NALCN: variants seen among roughly 807,000 people sequenced by gnomAD.
The protein encoded by NALCN is sodium leak channel, non-selective.
A neutral mutation model predicts 225.3 loss-of-function variants in NALCN; 111 were observed. That is an observed-to-expected ratio of 0.49 (90% CI 0.42 to 0.58). The LOEUF (loss-of-function observed/expected upper bound fraction) is 0.58. Ranked by LOEUF, NALCN falls within the 20% of genes least tolerant of loss-of-function variation. NALCN has a pLI of 0.00. For missense variants in NALCN, 1,378 were observed against 2,202.4 expected, an observed-to-expected ratio of 0.63 and a Z score of 7.49; for synonymous variants, 764 against 769.0, an observed-to-expected ratio of 0.99 and a Z score of 0.11.
At chr13:101,278,068 C>A (rs888201319) in intron 10 of NALCN, among the ~76,000 whole-genome samples, 1 of 152,202 alleles carries the variant, frequency 6.6e-6, no homozygotes. Context: ...ACAAAATCAA[C>A]AGTTCCCAGT....
At chr13:101,162,433 G>A (rs1000397413) in intron 15 of NALCN, among the ~76,000 whole-genome samples, 6 of 152,044 alleles carry the variant, frequency 3.9e-5, no homozygotes, top group Admixed American at 2.6e-4. Context: ...AGATCCAAAC[G>A]GACTGTGTGA....
intron 13 of NALCN, among the ~76,000 whole-genome samples, chr13:101,218,919 G>A (rs9582467): frequency 0.63 from 95,540 of 151,940 alleles, 31,038 homozygotes; most frequent in African/African-American, 0.8. Context: ...CAATGTGAGA[G>A]CAGGCTAATA....
rs146893553 is a variant in NALCN, at chr13:101,160,176, G to C, written c.1840-15280C>G. Among the ~76,000 whole-genome samples, 712 of 152,170 alleles carry C rather than the reference G, an allele frequency of 4.7e-3. 3 individuals are homozygous for C. Among genetic ancestry groups the C allele is most frequent in the African/African-American group, 0.016 (658 of 41,500 alleles). Reference sequence around the variant, plus strand: ...TCACCATGTTAGCCAGGATGGTCTCGATCTCCTGACCTTGTGATCTGCCCG... The same window carrying C: ...TCACCATGTTAGCCAGGATGGTCTCCATCTCCTGACCTTGTGATCTGCCCG... On this transcript the variant is annotated intron_variant, in intron 15 of 43. Coordinates refer to ENST00000251127, the MANE Select transcript of NALCN (RefSeq NM_052867.4).
At chr13:101,330,270 G>A (rs2045116556) in intron 7 of NALCN, among the ~76,000 whole-genome samples, 1 of 152,042 alleles carries the variant, frequency 6.6e-6, no homozygotes, top group Non-Finnish European at 1.5e-5. Context: ...GAGAGTTTGG[G>A]AGAATATAAA....
chr13:101,291,901 T>C (rs941589386), intron 9 of NALCN, 89 bp downstream of exon 9: 31 of 1,300,432 alleles, frequency 2.4e-5, no homozygotes, highest in Admixed American at 9.3e-5. Flanking sequence ...AAGCCCATCA[T>C]GCAAGAGCTT....
Position 101,160,021 on chromosome 13 carries a change from C to G in NALCN, c.1840-15125G>C, listed in dbSNP as rs570026335. Among the ~76,000 whole-genome samples the G allele has an allele frequency of 1.3e-3, 195 of 152,220 alleles. 1 individual carries two copies. The highest frequency in any genetic ancestry group is 4.5e-3 in the African/African-American group (187 of 41,536). On this transcript the variant is annotated intron_variant, in intron 15 of 43. Coordinates refer to ENST00000251127, the MANE Select transcript of NALCN (RefSeq NM_052867.4). ...CCAGGCTGAAGTGCAGCGGTGCGATCTCGGCTCACTGCAACCTCTGCCTCC... is the reference window on the plus strand; with the variant it reads ...CCAGGCTGAAGTGCAGCGGTGCGATGTCGGCTCACTGCAACCTCTGCCTCC...
intron 28 of NALCN, among the ~76,000 whole-genome samples, chr13:101,095,244 G>A (rs779894256): frequency 3.3e-5 from 5 of 152,104 alleles, no homozygotes; most frequent in Non-Finnish European, 5.9e-5. Context: ...CTCAGGATAA[G>A]TTTAGTTTTA....
intron 7 of NALCN, among the ~76,000 whole-genome samples, chr13:101,334,355 G>C (rs1174413112): frequency 1.2e-5 from 1 of 85,680 alleles, no homozygotes; most frequent in Non-Finnish European, 2.2e-5. Flanking sequence ...AGTCACAGGA[G>C]ATGGGGGTAG....
chr13:101,183,687 C>T (rs187730322), intron 14 of NALCN, among the ~76,000 whole-genome samples: 41 of 152,128 alleles, frequency 2.7e-4, no homozygotes, highest in African/African-American at 9.9e-4. Context: ...CTGGAATTCC[C>T]GACCTCAGGT....
intron 13 of NALCN, among the ~76,000 whole-genome samples, chr13:101,217,463 T>C (rs2054406339): frequency 6.6e-6 from 1 of 152,156 alleles, no homozygotes; most frequent in Non-Finnish European, 1.5e-5. Flanking sequence ...GATGACAAAG[T>C]TGTTTTATTA....
intron 18 of NALCN, among the ~76,000 whole-genome samples, chr13:101,118,513 C>T (rs1232879814): frequency 6.6e-6 from 1 of 152,070 alleles, no homozygotes; most frequent in Non-Finnish European, 1.5e-5. Flanking sequence ...CATATATCTA[C>T]ACATCTTGTC....
chr13:101,095,981 C>T lies in NALCN; in HGVS notation c.3163-301G>A, dbSNP rs1016261292. Among the ~76,000 whole-genome samples, 10 of 152,202 alleles carry T rather than the reference C, an allele frequency of 6.6e-5. 1 individual carries two copies. The highest frequency in any genetic ancestry group is 6.8e-3 in the Middle Eastern group (2 of 294). On this transcript the variant is annotated intron_variant, in intron 27 of 43. Transcript: ENST00000251127. ...TCAGTATCATGTGCCATCTGCCATC[C>T]GGAAAATGCAAATCAAAACCATAAT...
At chr13:101,410,461 A>T (rs1410103911) in intron 1 of NALCN, among the ~76,000 whole-genome samples, 1 of 152,170 alleles carries the variant, frequency 6.6e-6, no homozygotes, top group African/African-American at 2.4e-5. Flanking sequence ...AATTGTATGT[A>T]TATACAGTAT....
At chr13:101,223,607 C>T (rs999151763) in intron 13 of NALCN, among the ~76,000 whole-genome samples, 9 of 152,130 alleles carry the variant, frequency 5.9e-5, no homozygotes, top group African/African-American at 2.2e-4. Context: ...CATCCCCTAT[C>T]GACCTCAATC....
intron 7 of NALCN, among the ~76,000 whole-genome samples, chr13:101,341,079 A>C (rs531264775): frequency 2.6e-5 from 4 of 152,188 alleles, no homozygotes. Flanking sequence ...ACATAATCAC[A>C]CTATCTCCCC....
At chr13:101,245,533 G>A (rs1355633132) in intron 11 of NALCN, among the ~76,000 whole-genome samples, 1 of 151,818 alleles carries the variant, frequency 6.6e-6, no homozygotes, top group Non-Finnish European at 1.5e-5. Flanking sequence ...TGGTCTACAA[G>A]GCAATCTGCA....
chr13:101,296,714 A>G (rs1320889970), intron 7 of NALCN, among the ~76,000 whole-genome samples: 2 of 152,212 alleles, frequency 1.3e-5, no homozygotes, highest in African/African-American at 4.8e-5. Context: ...TGTTCCAAAA[A>G]TATCCCTGGA....
chr13:101,059,702 A>C, intron 42 of NALCN, 116 bp downstream of exon 42: 1 of 828,506 alleles, frequency 1.2e-6, no homozygotes, highest in Non-Finnish European at 1.7e-6. Flanking sequence ...AAATATTCCT[A>C]TTAGAAATAT....
At chr13:101,305,285 T>C (rs962429858) in intron 7 of NALCN, among the ~76,000 whole-genome samples, 1 of 152,220 alleles carries the variant, frequency 6.6e-6, no homozygotes, top group African/African-American at 2.4e-5. Flanking sequence ...TTCTCATCAC[T>C]GGTGGTTACT....
Sources: gnomAD v4.1 joint callset for allele counts (sites outside exome capture counted in the v4.1 genomes callset) on GRCh38, gnomAD v4.1.1 for gene constraint, MANE v1.5 for transcripts, NCBI Gene and HGNC (gene_info 2026-07-23, HGNC 2026-07-21) for gene names.